The following TRUB1 variants were observed in gnomAD, a reference collection of about 807,000 sequenced individuals.
TRUB1 encodes the protein pseudouridylate synthase TRUB1.
A neutral mutation model predicts 33.9 loss-of-function variants in TRUB1; 23 were observed. The observed-to-expected ratio is 0.68, with a 90% CI of 0.49 to 0.96. The LOEUF is 0.96. Among genes scored for constraint, TRUB1 ranks in the 40% least tolerant of loss-of-function variants. TRUB1 has a pLI of 0.00. For missense variants in TRUB1, 378 were observed against 422.2 expected, an observed-to-expected ratio of 0.90 and a Z score of 0.92; for synonymous variants, 163 against 165.4, an observed-to-expected ratio of 0.99 and a Z score of 0.11.
At chr10:114,939,027 A>C (rs939973501) in intron 1 of TRUB1, among the ~76,000 whole-genome samples, 47 of 152,346 alleles carry the variant, frequency 3.1e-4, no homozygotes, top group African/African-American at 1.0e-3. Flanking sequence ...ACAGATTCCT[A>C]ATCCCTGCCC....
intron 3 of TRUB1, among the ~76,000 whole-genome samples, chr10:114,959,433 G>A (rs1218399161): frequency 6.6e-6 from 1 of 152,142 alleles, no homozygotes; most frequent in Non-Finnish European, 1.5e-5. Flanking sequence ...CAGTATAAAG[G>A]TGGTTTGAGA....
At chr10:114,956,711 G>T (rs556351854) in intron 3 of TRUB1, among the ~76,000 whole-genome samples, 2 of 152,120 alleles carry the variant, frequency 1.3e-5, no homozygotes, top group South Asian at 4.1e-4. Context: ...ATACATGGTA[G>T]AGTTTTTCAG....
At chr10:114,968,293 C>T (rs552162307) in intron 4 of TRUB1, among the ~76,000 whole-genome samples, 1 of 152,238 alleles carries the variant, frequency 6.6e-6, no homozygotes, top group South Asian at 2.1e-4. Context: ...CAAAAGAGGG[C>T]CACCAAAGCA....
At chr10:114,957,864 C>T (rs2084268156) in intron 3 of TRUB1, among the ~76,000 whole-genome samples, 1 of 152,208 alleles carries the variant, frequency 6.6e-6, no homozygotes, top group Non-Finnish European at 1.5e-5. Flanking sequence ...ACAAAAAAAT[C>T]ATAAAGCATT....
chr10:114,938,654 A>G, intron 1 of TRUB1, 115 bp downstream of exon 1: 7 of 1,184,060 alleles, frequency 5.9e-6, no homozygotes, highest in Non-Finnish European at 6.9e-6. Context: ...AGGGAGACTG[A>G]CCATTGAATT....
chr10:114,970,377 C>T lies in TRUB1; in HGVS notation c.533C>T (p.Thr178Ile), dbSNP rs1166090581. Residue 178 changes from threonine (T) to isoleucine (I), a missense_variant, in exon 5 of 8, where the codon ACA (threonine) becomes ATA (isoleucine). By Grantham distance (89) the Thr-to-Ile change is moderately conservative. Transcript: ENST00000298746. ...TGTTGATTTTTGGCAGATAAAATAA[C>T]ACAAGAAGATATTGAAGGCATTCTA... ...VTEEKPYDKI[T>I]QEDIEGILQK... 6.2e-7 allele frequency: 1 copy of T among 1,609,876 alleles called. No homozygotes were observed. The highest frequency in any genetic ancestry group is 1.7e-5 in the Admixed American group (1 of 59,820).
At position 114,975,223 on chromosome 10, in the gene TRUB1, T is replaced by C. The variant is rs779192232; in HGVS notation, c.894T>C (p.Asp298=). The change falls in exon 8 of 8, where the codon GAT becomes GAC. Residue 298 remains aspartate (D), a synonymous_variant. Coordinates refer to ENST00000298746, the MANE Select transcript of TRUB1 (RefSeq NM_139169.5). ...TTCCTGAAGACAAATGGACAATTGA[T>C]GACATTGCACAGTCTCTTGAGCATT... ...HALPEDKWTI[D]DIAQSLEHCS... is the part of the protein sequence containing the mutation. The C allele has an allele frequency of 1.2e-6, 2 of 1,613,718 alleles. No homozygotes were observed. The highest frequency in any genetic ancestry group is 1.7e-5 in the Admixed American group (1 of 59,978).
rs1400759179 is a variant in TRUB1, at chr10:114,976,979, A to G, written c.*1600A>G. 2 of 152,192 alleles carry G rather than the reference A, an allele frequency of 1.3e-5. No individual in the cohort carries two copies. Among genetic ancestry groups the G allele is most frequent in the Non-Finnish European group, 2.9e-5 (2 of 68,026 alleles). 9.4% of individuals were successfully genotyped at this position (152,192 alleles called of 1,614,324 possible). Reference sequence around the variant, plus strand: ...GCCTGTTGGACTGGTACAGGTTACAATATGTCCTCTTCCATTGCAAATTAA... The same window carrying G: ...GCCTGTTGGACTGGTACAGGTTACAGTATGTCCTCTTCCATTGCAAATTAA... On this transcript the variant is annotated 3_prime_UTR_variant, in exon 8 of 8. Transcript: ENST00000298746.
intron 3 of TRUB1, among the ~76,000 whole-genome samples, chr10:114,955,509 G>A (rs1423898697): frequency 1.3e-5 from 2 of 152,172 alleles, no homozygotes; most frequent in Non-Finnish European, 2.9e-5. Flanking sequence ...AAACCATAGT[G>A]GCACCTGCAG....
Position 114,942,636 on chromosome 10 carries a change from C to G in TRUB1, c.287-9C>G. On this transcript the variant is annotated splice_polypyrimidine_tract_variant and intron_variant, in intron 1 of 7. Coordinates refer to ENST00000298746, the MANE Select transcript of TRUB1 (RefSeq NM_139169.5). The stretch of plus-strand genomic sequence containing the variant: ...TGATCACCTTTTTTCATCCCCATTT[C>G]TCTCATAGAAGCTGGAATGCCTTCT... 1 of 1,599,818 alleles carries G rather than the reference C, an allele frequency of 6.3e-7. No individual in the cohort carries two copies. Among genetic ancestry groups the G allele is most frequent in the Non-Finnish European group, 8.6e-7 (1 of 1,167,306 alleles).
intron 3 of TRUB1, among the ~76,000 whole-genome samples, chr10:114,952,211 G>A (rs887067840): frequency 3.3e-5 from 5 of 152,170 alleles, no homozygotes; most frequent in Non-Finnish European, 7.3e-5. Flanking sequence ...GGCCGAGGCG[G>A]GCAGATCACT....
At chr10:114,939,057 G>A (rs1055359690) in intron 1 of TRUB1, among the ~76,000 whole-genome samples, 2 of 152,180 alleles carry the variant, frequency 1.3e-5, no homozygotes, top group Non-Finnish European at 2.9e-5. Context: ...TTGTGATTCG[G>A]AGAGTTCGGG....
intron 2 of TRUB1, among the ~76,000 whole-genome samples, chr10:114,950,808 G>T (rs530467986): frequency 6.6e-6 from 1 of 152,164 alleles, no homozygotes; most frequent in Non-Finnish European, 1.5e-5. Context: ...CGTCCTTTGA[G>T]ATTGTTCTAA....
chr10:114,949,865 A>G (rs1252739294), intron 2 of TRUB1, among the ~76,000 whole-genome samples: 3 of 148,594 alleles, frequency 2.0e-5, no homozygotes, highest in Non-Finnish European at 4.5e-5. Context: ...TTCCTCATCT[A>G]TCAACAGGGG....
chr10:114,973,038 G>A (rs879630389), intron 6 of TRUB1, among the ~76,000 whole-genome samples: 1 of 151,946 alleles, frequency 6.6e-6, no homozygotes, highest in African/African-American at 2.4e-5. Context: ...ATAGGATTCC[G>A]TTTAGAAATA....
chr10:114,975,106 A>T lies in TRUB1; in HGVS notation c.794-17A>T, dbSNP rs1189013295. Reference sequence around the variant, plus strand: ...CGTTTATCTTCTGGATTTTTTTTCTACCTTTTGTTGCCATAGAACTATCTT... The same window carrying T: ...CGTTTATCTTCTGGATTTTTTTTCTTCCTTTTGTTGCCATAGAACTATCTT... On this transcript the variant is annotated splice_polypyrimidine_tract_variant and intron_variant, in intron 7 of 7. Transcript: ENST00000298746. 6.9e-6 allele frequency: 11 copies of T among 1,586,364 alleles called. No individual in the cohort carries two copies. The highest frequency in any genetic ancestry group is 1.7e-4 in the Middle Eastern group (1 of 5,880).
chr10:114,940,471 A>G (rs1440973629), intron 1 of TRUB1, among the ~76,000 whole-genome samples: 2 of 152,178 alleles, frequency 1.3e-5, no homozygotes, highest in East Asian at 3.9e-4. Flanking sequence ...TTTGACAACC[A>G]TGATCAGTGG....
chr10:114,949,464 G>A (rs7898249), intron 2 of TRUB1, among the ~76,000 whole-genome samples: 71,656 of 152,016 alleles, frequency 0.47, 18,326 homozygotes, highest in African/African-American at 0.64. Context: ...GTGTCATAGA[G>A]GTTTTGAGGA....
intron 4 of TRUB1, among the ~76,000 whole-genome samples, chr10:114,963,656 A>T (rs897811927): frequency 6.6e-6 from 1 of 152,208 alleles, no homozygotes; most frequent in African/African-American, 2.4e-5. Context: ...AATGCTATGG[A>T]GATGGTTTTA....
Sources: gnomAD v4.1 joint callset for allele counts (sites outside exome capture counted in the v4.1 genomes callset) on GRCh38, gnomAD v4.1.1 for gene constraint, MANE v1.5 for transcripts, NCBI Gene and HGNC (gene_info 2026-07-23, HGNC 2026-07-21) for gene names.